Variants in ZSCAN18 observed in about 807,000 individuals in gnomAD.
ZSCAN18 encodes the protein zinc finger and SCAN domain containing 18.
A neutral mutation model predicts 31.1 loss-of-function variants in ZSCAN18; 16 were observed. The ratio of observed to expected loss-of-function variants is 0.51; its 90% CI spans 0.35 to 0.78. The LOEUF is 0.78. ZSCAN18 is among the 30% of genes least tolerant of loss of function. The pLI, the probability that ZSCAN18 is intolerant of heterozygous loss-of-function variation, is 0.01. For missense variants in ZSCAN18, 731 were observed against 697.4 expected (o/e 1.05, Z -0.54); for synonymous variants, 375 against 320.7 (o/e 1.17, Z -1.81).
Position 58,090,399 on chromosome 19 carries a change from C to T in ZSCAN18, c.-119-13G>A, listed in dbSNP as rs768554621. 3.1e-5 allele frequency: 47 copies of T among 1,519,884 alleles called. No homozygotes were observed. The Admixed American group carries it at 3.2e-4, about 10-fold the overall frequency. 94.1% of individuals were successfully genotyped at this position (1,519,884 alleles called of 1,614,324 possible). A position where few individuals can be genotyped will look rare whatever the true frequency, so the allele number is the denominator to read the frequency against. The stretch of plus-strand genomic sequence containing the variant: ...AGAACCCACAGACCTGCAGAGGACA[C>T]GGACAAGGCAATGGCCTTGCATAAG... On this transcript the variant is annotated splice_polypyrimidine_tract_variant and intron_variant, in intron 1 of 6. Coordinates refer to ENST00000601144, the MANE Select transcript of ZSCAN18 (RefSeq NM_001145543.2). The surrounding 1 kb of genome is among the most constrained non-coding windows in gnomAD (Gnocchi z 4.7).
Position 58,090,478 on chromosome 19 carries a change from TCA to T in ZSCAN18, c.-119-94_-119-93del. 8.1e-7 allele frequency: 1 copy of T among 1,232,652 alleles called. No homozygotes were observed. The highest frequency in any genetic ancestry group is 2.6e-5 in the East Asian group (1 of 38,740). 76.4% of individuals were successfully genotyped at this position (1,232,652 alleles called of 1,614,324 possible). A position where few individuals can be genotyped will look rare whatever the true frequency, so the allele number is the denominator to read the frequency against. On this transcript the variant is annotated intron_variant, in intron 1 of 6. Coordinates refer to ENST00000601144, the MANE Select transcript of ZSCAN18 (RefSeq NM_001145543.2). The surrounding 1 kb of genome is among the most constrained non-coding windows in gnomAD (Gnocchi z 4.7). ...AGAACAAAGACACCACACCCAGAGT[TCA>T]CACAGATTTCCAAGAAACCCGCTTG...
chr19:58,086,139 C>T, intron 6 of ZSCAN18, 35 bp downstream of exon 6: 2 of 1,606,270 alleles, frequency 1.2e-6, no homozygotes, highest in Non-Finnish European at 1.7e-6. Flanking sequence ...AAGCAAACCC[C>T]ACCCGGCCCT....
At chr19:58,112,176 A>G (rs913487668) in intron 1 of ZSCAN18, among the ~76,000 whole-genome samples, 6 of 152,176 alleles carry the variant, frequency 3.9e-5, no homozygotes, top group Non-Finnish European at 8.8e-5. Context: ...CTGGGACTAC[A>G]TGCACAAGGC....
intron 1 of ZSCAN18, among the ~76,000 whole-genome samples, chr19:58,114,052 A>G (rs1299501890): frequency 1.3e-5 from 2 of 151,764 alleles, no homozygotes; most frequent in African/African-American, 2.4e-5. Flanking sequence ...GGCAGATCAC[A>G]AGGTCAGGAG....
chr19:58,104,028 G>A (rs764922799), intron 1 of ZSCAN18, among the ~76,000 whole-genome samples: 3 of 152,224 alleles, frequency 2.0e-5, no homozygotes, highest in Non-Finnish European at 2.9e-5. Context: ...TCCAGAGCAA[G>A]GTCCTGACTC....
chr19:58,118,190 C>G (rs961423023), intron 1 of ZSCAN18: 3 of 691,092 alleles, frequency 4.3e-6, no homozygotes, highest in Admixed American at 8.0e-5. Flanking sequence ...GCAGGGCTGC[C>G]GCGTACCCTC....
chr19:58,090,418 G>T lies in ZSCAN18; in HGVS notation c.-119-32C>A, dbSNP rs192928760. 256 of 1,475,634 alleles carry T rather than the reference G, an allele frequency of 1.7e-4. 1 individual carries two copies. The African/African-American group carries it at 3.4e-3, about 20-fold the overall frequency. The allele number at this position is 1,475,634 out of a possible 1,614,324, so 91.4% of individuals were successfully genotyped here. On this transcript the variant is annotated intron_variant, in intron 1 of 6. Transcript: ENST00000601144. The surrounding 1 kb of genome is among the most constrained non-coding windows in gnomAD (Gnocchi z 4.7). ...AGGACACGGACAAGGCAATGGCCTT[G>T]CATAAGGCCAGGGCGCAGCCACCCC... is the stretch of plus-strand genomic sequence containing the variant.
chr19:58,099,295 T>C (rs1428134166), upstream of ZSCAN18, among the ~76,000 whole-genome samples: 1 of 152,134 alleles, frequency 6.6e-6, no homozygotes, highest in East Asian at 1.9e-4. Flanking sequence ...GAACAGCTAA[T>C]CTAAGTAGTC....
intron 1 of ZSCAN18, among the ~76,000 whole-genome samples, chr19:58,096,729 A>C (rs1004560302): frequency 6.6e-6 from 1 of 152,218 alleles, no homozygotes; most frequent in Non-Finnish European, 1.5e-5. Context: ...GGGAAGCTCA[A>C]TGCATGGGAT....
In ZSCAN18 at chr19:58,098,214, G is replaced by C. The variant is rs2074558960; in HGVS notation, c.-160C>G. On this transcript the variant is annotated 5_prime_UTR_variant, in exon 1 of 7. Coordinates refer to ENST00000601144, the MANE Select transcript of ZSCAN18 (RefSeq NM_001145543.2). ...CCCAGGCCGGTCCCAGCCGCCCGGAGCCCCAGTGCGCGATGGCGGCCGGCA... is the reference window on the plus strand; with the variant it reads ...CCCAGGCCGGTCCCAGCCGCCCGGACCCCCAGTGCGCGATGGCGGCCGGCA... The C allele has an allele frequency of 1.0e-6, 1 of 985,372 alleles. No individual in the cohort carries two copies. The highest frequency in any genetic ancestry group is 1.7e-5 in the African/African-American group (1 of 57,258). 61.0% of individuals were successfully genotyped at this position (985,372 alleles called of 1,614,324 possible).
In ZSCAN18 at chr19:58,085,219, CG is replaced by C; in HGVS notation, c.998del (p.Pro333ArgfsTer96). ...EEEEEQPGKA[P>X]DPQDPQDAES... ...CCGCGTCCTGGGGGTCCTGCGGGTC[CG>C]GGGCCTTCCCAGGCTGCTCTTCCTC... On this transcript the variant is annotated frameshift_variant, in exon 7 of 7. Coordinates refer to ENST00000601144, the MANE Select transcript of ZSCAN18 (RefSeq NM_001145543.2). LOFTEE classifies it low-confidence loss of function (END_TRUNC). The C allele has an allele frequency of 6.2e-7, 1 of 1,608,454 alleles. No homozygotes were observed.
At chr19:58,102,149 G>T (rs534691910), upstream of ZSCAN18, among the ~76,000 whole-genome samples, 2 of 152,056 alleles carry the variant, frequency 1.3e-5, no homozygotes, top group South Asian at 4.2e-4. Flanking sequence ...CCCTGTTTAG[G>T]CAGCTTACTA....
At chr19:58,092,531 A>T in intron 1 of ZSCAN18, 1 of 194,538 alleles carries the variant, frequency 5.1e-6, no homozygotes, top group Non-Finnish European at 9.0e-6. Flanking sequence ...AGCTGAGATC[A>T]TGCCACTGCA....
At chr19:58,097,454 G>A (rs1202240567) in intron 1 of ZSCAN18, among the ~76,000 whole-genome samples, 1 of 151,950 alleles carries the variant, frequency 6.6e-6, no homozygotes, top group Non-Finnish European at 1.5e-5. Flanking sequence ...CCACGAGAGA[G>A]GTCTCCGGGG....
intron 1 of ZSCAN18, among the ~76,000 whole-genome samples, chr19:58,114,254 C>T (rs1228981611): frequency 2.6e-5 from 4 of 151,794 alleles, no homozygotes; most frequent in Non-Finnish European, 5.9e-5. Flanking sequence ...GGCAACAGGC[C>T]GAGACTCTGT....
rs1022599815 is a variant in ZSCAN18, at chr19:58,084,453, C to T, written c.*232G>A. The T allele has an allele frequency of 6.7e-6, 3 of 444,528 alleles. No individual in the cohort carries two copies. The highest frequency in any genetic ancestry group is 4.0e-5 in the Admixed American group (1 of 24,834). 27.5% of individuals were successfully genotyped at this position (444,528 alleles called of 1,614,324 possible). On this transcript the variant is annotated 3_prime_UTR_variant, in exon 7 of 7. Coordinates refer to ENST00000601144, the MANE Select transcript of ZSCAN18 (RefSeq NM_001145543.2). The surrounding 1 kb of genome is among the most constrained non-coding windows in gnomAD (Gnocchi z 4.5). ...AAGCCGAGTCTTCTTCCACATCCGGCGGCTCCCCTCGGATGCGAGCGCTGG... is the reference window on the plus strand; with the variant it reads ...AAGCCGAGTCTTCTTCCACATCCGGTGGCTCCCCTCGGATGCGAGCGCTGG...
intron 1 of ZSCAN18, among the ~76,000 whole-genome samples, chr19:58,117,719 G>GA (rs34961124): frequency 0.68 from 94,538 of 138,458 alleles, 32,992 homozygotes; most frequent in Non-Finnish European, 0.78. Context: ...GTGCCCGCAG[G>GA]AAAAAAAAAA....
intron 1 of ZSCAN18, among the ~76,000 whole-genome samples, chr19:58,097,072 C>A (rs2074532007): frequency 6.6e-6 from 1 of 152,156 alleles, no homozygotes; most frequent in Non-Finnish European, 1.5e-5. Context: ...AGGAAACCAT[C>A]CGCAGGACAT....
At chr19:58,094,400 G>A (rs1427835121) in intron 1 of ZSCAN18, among the ~76,000 whole-genome samples, 1 of 146,686 alleles carries the variant, frequency 6.8e-6, no homozygotes, top group Non-Finnish European at 1.5e-5. Flanking sequence ...GACAGAGTGA[G>A]ACTCTGTCTC....
Sources: gnomAD v4.1 joint callset for allele counts (sites outside exome capture counted in the v4.1 genomes callset) on GRCh38, gnomAD v4.1.1 for gene constraint, Gnocchi (gnomAD v3.1) non-coding constraint, MANE v1.5 for transcripts, NCBI Gene and HGNC (gene_info 2026-07-23, HGNC 2026-07-21) for gene names.